Variants in TM4SF20 observed in about 807,000 individuals in gnomAD.
The protein encoded by TM4SF20 is transmembrane 4 L six family member 20, also known as transmembrane 4 L6 family member 20.
Under a neutral mutation model 15.1 loss-of-function variants are expected in TM4SF20, and 13 were observed. The ratio of observed to expected loss-of-function variants is 0.86; its 90% CI spans 0.56 to 1.36. TM4SF20 has a LOEUF of 1.36. TM4SF20 is among the 40% of genes most tolerant of loss of function. The pLI is 0.00. For missense variants in TM4SF20, 282 were observed against 268.4 expected, an observed-to-expected ratio of 1.05 and a Z score of -0.35; for synonymous variants, 92 against 96.6, an observed-to-expected ratio of 0.95 and a Z score of 0.28.
At chr2:227,374,769 A>G (rs2106494725) in intron 1 of TM4SF20, among the ~76,000 whole-genome samples, 1 of 152,192 alleles carries the variant, frequency 6.6e-6, no homozygotes, top group Non-Finnish European at 1.5e-5. Context: ...AGTAACACAC[A>G]AAGTCATAGC....
At chr2:227,371,581 A>G (rs2106492651) in intron 1 of TM4SF20, among the ~76,000 whole-genome samples, 1 of 152,280 alleles carries the variant, frequency 6.6e-6, no homozygotes, top group East Asian at 1.9e-4. Flanking sequence ...GGCCTCAAGA[A>G]AACCTCCTGC....
intron 3 of TM4SF20, among the ~76,000 whole-genome samples, chr2:227,365,246 C>A (rs1046664674): frequency 2.6e-5 from 4 of 152,098 alleles, no homozygotes; most frequent in African/African-American, 9.7e-5. Flanking sequence ...ATATGCTACA[C>A]AAAATTTGAG....
At chr2:227,374,823 G>A (rs2076439127) in intron 1 of TM4SF20, among the ~76,000 whole-genome samples, 1 of 151,710 alleles carries the variant, frequency 6.6e-6, no homozygotes. Context: ...AGGCATGGTG[G>A]CTCATGCCTG....
intron 2 of TM4SF20, among the ~76,000 whole-genome samples, 194 bp from the exon 3 acceptor site, chr2:227,366,438 A>G (rs375342585): frequency 6.6e-6 from 1 of 151,994 alleles, no homozygotes; most frequent in Non-Finnish European, 1.5e-5. Flanking sequence ...TCAATAAAAG[A>G]TGGTTGGGGC....
Position 227,366,217 on chromosome 2 carries a change from T to A in TM4SF20, c.277A>T (p.Ile93Phe). 6.2e-7 allele frequency: 1 copy of A among 1,611,428 alleles called. No individual in the cohort carries two copies. Among genetic ancestry groups the A allele is most frequent in the Non-Finnish European group, 8.5e-7 (1 of 1,179,332 alleles). The change falls in exon 3 of 4, where the codon ATC (isoleucine) becomes TTC (phenylalanine). Residue 93 changes from isoleucine to phenylalanine, a missense_variant. Transcript: ENST00000304568. Reference protein sequence around the residue: ...GMFLSSLFSVITVIGALYCML... With the variant: ...GMFLSSLFSVFTVIGALYCML... ...CAATACAGAGCACCAATGACTGTGA[T>A]CACACTGAAAAGTGATGAAAGAAAC...
At chr2:227,377,290 G>A (rs2076455917) in intron 1 of TM4SF20, among the ~76,000 whole-genome samples, 1 of 152,200 alleles carries the variant, frequency 6.6e-6, no homozygotes, top group African/African-American at 2.4e-5. Flanking sequence ...GTAAGCAAAT[G>A]CAAAAGAGGC....
At chr2:227,377,740 T>C (rs935534795) in intron 1 of TM4SF20, among the ~76,000 whole-genome samples, 2 of 152,136 alleles carry the variant, frequency 1.3e-5, no homozygotes, top group South Asian at 2.1e-4. Context: ...AAAAACCGCA[T>C]GTTCTCACTT....
At chr2:227,380,099 C>T (rs927453576), upstream of TM4SF20, among the ~76,000 whole-genome samples, 4 of 152,164 alleles carry the variant, frequency 2.6e-5, no homozygotes, top group Admixed American at 2.0e-4. Flanking sequence ...GAGGCCAAAG[C>T]GAGAGGATCA....
chr2:227,364,053 C>A (rs1256656394), intron 3 of TM4SF20, 41 bp from the exon 4 acceptor site: 1 of 1,563,718 alleles, frequency 6.4e-7, no homozygotes, highest in Non-Finnish European at 8.7e-7. Flanking sequence ...CAGAAATATC[C>A]CTGACCAAAG....
rs1208639619 is a variant in TM4SF20 at position 227,362,966 on chromosome 2, T to C, written c.*758A>G. The C allele has an allele frequency of 6.6e-6, 1 of 152,192 alleles. No homozygotes were observed. Among genetic ancestry groups the C allele is most frequent in the Admixed American group, 6.5e-5 (1 of 15,278 alleles). The allele number at this position is 152,192 out of a possible 1,614,324, so 9.4% of individuals were successfully genotyped here. ...TATAACAGTTCCCTCAAAAATATTT[T>C]TCTTTTATAACATTTTCCTGTTGAA... On this transcript the variant is annotated 3_prime_UTR_variant, in exon 4 of 4. Coordinates refer to ENST00000304568, the MANE Select transcript of TM4SF20 (RefSeq NM_024795.4).
rs1172823497 is a variant in TM4SF20, at chr2:227,366,106, A to G, written c.388T>C (p.Leu130=). The G allele has an allele frequency of 3.2e-5, 51 of 1,611,700 alleles. No homozygotes were observed. The highest frequency in any genetic ancestry group is 4.2e-5 in the Non-Finnish European group (49 of 1,179,450). The part of the protein sequence containing the change: ...SNSNANCEFS[L]KNISDIHPES... ...CAAGTTACTTACCTGATGTTTTTCA[A>G]TGAAAATTCACAATTGGCATTACTG... Residue 130 remains leucine, a synonymous_variant, in exon 3 of 4, where the codon TTG becomes CTG. Coordinates refer to ENST00000304568, the MANE Select transcript of TM4SF20 (RefSeq NM_024795.4).
chr2:227,374,550 T>C (rs1160660075), intron 1 of TM4SF20, among the ~76,000 whole-genome samples: 1 of 152,220 alleles, frequency 6.6e-6, no homozygotes. Context: ...TTTGAATGCC[T>C]GAGTTTTTGT....
chr2:227,364,617 C>A (rs112532784), intron 3 of TM4SF20, among the ~76,000 whole-genome samples: 4,814 of 152,246 alleles, frequency 0.032, 139 homozygotes, highest in Admixed American at 0.044. Context: ...AGGGAGTTTG[C>A]ATTGCTGGAT....
intron 2 of TM4SF20, among the ~76,000 whole-genome samples, chr2:227,367,176 G>A (rs1331552442): frequency 2.6e-5 from 4 of 152,084 alleles, no homozygotes; most frequent in Non-Finnish European, 4.4e-5. Flanking sequence ...CCTCCAGCCC[G>A]GTTCTGACAA....
intron 1 of TM4SF20, among the ~76,000 whole-genome samples, chr2:227,378,106 A>G (rs2076460943): frequency 1.3e-5 from 2 of 152,222 alleles, no homozygotes; most frequent in South Asian, 4.2e-4. Context: ...ACACAGGCAC[A>G]CACACACATT....
At chr2:227,380,253 C>T (rs2076473390), upstream of TM4SF20, among the ~76,000 whole-genome samples, 1 of 152,208 alleles carries the variant, frequency 6.6e-6, no homozygotes, top group East Asian at 1.9e-4. Context: ...TCACTTGAAC[C>T]TGGGGGGTGG....
At chr2:227,380,321 C>G (rs925538805), upstream of TM4SF20, among the ~76,000 whole-genome samples, 1 of 152,196 alleles carries the variant, frequency 6.6e-6, no homozygotes, top group Non-Finnish European at 1.5e-5. Flanking sequence ...CAGAGGGAGA[C>G]TCCATCTCAA....
chr2:227,366,518 A>G (rs866436712), intron 2 of TM4SF20, among the ~76,000 whole-genome samples: 8 of 151,996 alleles, frequency 5.3e-5, no homozygotes, highest in African/African-American at 1.9e-4. Flanking sequence ...ACCTGAGGTC[A>G]GGAGTTCAAG....
intron 1 of TM4SF20, among the ~76,000 whole-genome samples, chr2:227,374,088 TAAAA>T (rs79866106): frequency 7.0e-5 from 6 of 85,306 alleles, no homozygotes; most frequent in Admixed American, 2.9e-4. Context: ...AGACCCTGTC[TAAAA>T]AAAAAAAAAA....
Sources: allele counts gnomAD v4.1 joint callset (sites outside exome capture counted in the v4.1 genomes callset), GRCh38; gene constraint gnomAD v4.1.1; transcripts MANE v1.5; gene names NCBI Gene and HGNC (gene_info 2026-07-23, HGNC 2026-07-21).